The following ALK variants were observed in gnomAD, a reference collection of about 807,000 sequenced individuals.
The protein encoded by ALK is ALK tyrosine kinase receptor.
In ALK, 74 loss-of-function variants were observed where a neutral mutation model predicts 163.1. That is an observed-to-expected ratio of 0.45 (90% CI 0.38 to 0.55). The LOEUF (loss-of-function observed/expected upper bound fraction) is 0.55, where lower values mean the gene tolerates loss of function less well. Ranked by LOEUF, ALK falls within the 20% of genes least tolerant of loss-of-function variation. The pLI, the probability that ALK is intolerant of heterozygous loss-of-function variation, is 0.00. For missense variants in ALK, 2,063 were observed against 2,105.3 expected, an observed-to-expected ratio of 0.98 and a Z score of 0.39; for synonymous variants, 960 against 843.2, an observed-to-expected ratio of 1.14 and a Z score of -2.40.
intron 4 of ALK, among the ~76,000 whole-genome samples, chr2:29,497,544 C>T (rs548983704): frequency 1.3e-5 from 2 of 152,318 alleles, no homozygotes; most frequent in African/African-American, 2.4e-5. Context: ...CTCCTCTCCT[C>T]TCTAAACTCC....
chr2:29,232,495 C>G (rs952560162), intron 14 of ALK, 47 bp from the exon 15 acceptor site: 2 of 1,612,132 alleles, frequency 1.2e-6, no homozygotes, highest in Non-Finnish European at 1.7e-6. Context: ...GCTGTGCTTC[C>G]CCCTGGAGCC....
intron 4 of ALK, among the ~76,000 whole-genome samples, chr2:29,512,122 A>T (rs573058095): frequency 6.6e-6 from 1 of 152,190 alleles, no homozygotes; most frequent in Non-Finnish European, 1.5e-5. Flanking sequence ...TATCTAAAAA[A>T]GTTTTTTCTT....
chr2:29,476,048 C>A (rs1401678872), intron 4 of ALK, among the ~76,000 whole-genome samples: 1 of 152,210 alleles, frequency 6.6e-6, no homozygotes, highest in East Asian at 1.9e-4. Context: ...GCTCCTCCAG[C>A]GCTGCCTATG....
intron 9 of ALK, among the ~76,000 whole-genome samples, chr2:29,290,326 G>A (rs1212688630): frequency 1.3e-5 from 2 of 152,220 alleles, no homozygotes; most frequent in Non-Finnish European, 2.9e-5. Flanking sequence ...GGGGCACAGG[G>A]CTGCCGTGGA....
rs1363730691 is a variant in ALK at position 29,757,962 on chromosome 2, C to CTT, written c.668-40266_668-40265insAA. On this transcript the variant is annotated intron_variant, in intron 1 of 28. Transcript: ENST00000389048. ...TTCATTCTTTTCATGAGGGAAAACACACCCATTCCCAAGAGATGATATTCA... is the reference window on the plus strand; with the variant it reads ...TTCATTCTTTTCATGAGGGAAAACACTTACCCATTCCCAAGAGATGATATTCA... Among the ~76,000 whole-genome samples, 5 of 151,482 alleles carry CTT rather than the reference C, an allele frequency of 3.3e-5. No individual in the cohort carries two copies. The East Asian group carries it at 9.7e-4, about 29-fold the overall frequency.
intron 11 of ALK, among the ~76,000 whole-genome samples, chr2:29,259,827 T>C (rs1665038839): frequency 1.3e-5 from 2 of 152,200 alleles, no homozygotes; most frequent in South Asian, 4.1e-4. Flanking sequence ...TTTTGTTTTG[T>C]TCTAGTTATT....
intron 1 of ALK, among the ~76,000 whole-genome samples, chr2:29,764,358 T>C (rs991109751): frequency 2.0e-5 from 3 of 152,154 alleles, no homozygotes; most frequent in Admixed American, 1.3e-4. Flanking sequence ...CAAGACCCCA[T>C]TGTCCTCACC....
chr2:29,692,571 T>C (rs1419960470), intron 3 of ALK, among the ~76,000 whole-genome samples: 2 of 152,238 alleles, frequency 1.3e-5, no homozygotes, highest in African/African-American at 4.8e-5. Context: ...CGATTCACGT[T>C]TTTATAATCA....
At chr2:29,202,428 A>G (rs1482466657) in intron 26 of ALK, among the ~76,000 whole-genome samples, 1 of 152,258 alleles carries the variant, frequency 6.6e-6, no homozygotes, top group Non-Finnish European at 1.5e-5. Flanking sequence ...TTATCTATGT[A>G]TCTAGATGTT....
chr2:29,222,793 T>C (rs2148169838), intron 20 of ALK, among the ~76,000 whole-genome samples, 186 bp from the exon 21 acceptor site: 1 of 152,294 alleles, frequency 6.6e-6, no homozygotes, highest in African/African-American at 2.4e-5. Flanking sequence ...GTTCTTCACC[T>C]GAAAACTGGT....
At chr2:29,799,784 A>G (rs1272499963) in intron 1 of ALK, among the ~76,000 whole-genome samples, 2 of 152,216 alleles carry the variant, frequency 1.3e-5, no homozygotes, top group Non-Finnish European at 2.9e-5. Context: ...CATCATAAAG[A>G]CCTCAAAATG....
chr2:29,648,975 C>T (rs1350018871), intron 3 of ALK, among the ~76,000 whole-genome samples: 1 of 152,122 alleles, frequency 6.6e-6, no homozygotes, highest in East Asian at 1.9e-4. Flanking sequence ...ATTTTGAACA[C>T]ATTTATCAAC....
At chr2:29,497,211 G>A (rs1304533882) in intron 4 of ALK, among the ~76,000 whole-genome samples, 1 of 152,024 alleles carries the variant, frequency 6.6e-6, no homozygotes, top group Non-Finnish European at 1.5e-5. Context: ...GACGGAGGTT[G>A]CAGTGAGCCG....
chr2:29,707,802 C>A (rs1678956153), intron 2 of ALK, among the ~76,000 whole-genome samples: 1 of 152,140 alleles, frequency 6.6e-6, no homozygotes, highest in Non-Finnish European at 1.5e-5. Flanking sequence ...TTTTGCTGTG[C>A]CCTGGGCACA....
intron 4 of ALK, among the ~76,000 whole-genome samples, chr2:29,504,667 G>T (rs1213161558): frequency 4.6e-5 from 7 of 152,124 alleles, no homozygotes; most frequent in Admixed American, 4.6e-4. Context: ...AACAAGGAGA[G>T]AGGCAGTGAA....
chr2:29,846,080 G>A (rs1279504473), intron 1 of ALK, among the ~76,000 whole-genome samples: 2 of 152,218 alleles, frequency 1.3e-5, no homozygotes, highest in African/African-American at 4.8e-5. Flanking sequence ...TTGGGCTTGG[G>A]AGTGTGATGT....
intron 4 of ALK, among the ~76,000 whole-genome samples, chr2:29,482,566 C>A (rs1346132195): frequency 6.6e-6 from 1 of 152,126 alleles, no homozygotes; most frequent in African/African-American, 2.4e-5. Flanking sequence ...AGGCACCAAG[C>A]TAATGGTGTG....
intron 2 of ALK, among the ~76,000 whole-genome samples, chr2:29,710,672 C>A (rs866287984): frequency 2.0e-5 from 3 of 152,102 alleles, no homozygotes; most frequent in Non-Finnish European, 2.9e-5. Flanking sequence ...CATGTGCACC[C>A]AGCTAATTTT....
Position 29,193,526 on chromosome 2 carries a change from G to C in ALK, c.4561C>G (p.Pro1521Ala), listed in dbSNP as rs1216631957. Residue 1521 changes from proline (P) to alanine (A), a missense_variant, in exon 29 of 29, where the codon CCT becomes GCT. By Grantham distance (27) the Pro-to-Ala change is conservative. This residue lies in a region of ALK where 403 missense variants were observed against 366.2 expected (regional missense o/e 1.10). Coordinates refer to ENST00000389048, the MANE Select transcript of ALK (RefSeq NM_004304.5). ...FTEKPTKKNN[P>A]IAKKEPHDRG... ...TCGTGTGGCTCCTTCTTTGCTATAG[G>C]ATTATTCTTTTTGGTGGGTTTCTCT... 1.9e-6 allele frequency: 3 copies of C among 1,614,178 alleles called. No homozygotes were observed. Among genetic ancestry groups the C allele is most frequent in the South Asian group, 1.1e-5 (1 of 91,082 alleles).
Sources: allele counts gnomAD v4.1 joint callset (sites outside exome capture counted in the v4.1 genomes callset), GRCh38; gene constraint gnomAD v4.1.1; regional missense constraint gnomAD v4.1.1; transcripts MANE v1.5; gene names NCBI Gene and HGNC (gene_info 2026-07-23, HGNC 2026-07-21).